ANKRD44: variants seen among roughly 807,000 people sequenced by gnomAD.
The protein encoded by ANKRD44 is ankyrin repeat domain 44, also known as serine/threonine-protein phosphatase 6 regulatory ankyrin repeat subunit B.
In ANKRD44, 35 loss-of-function variants were observed where a neutral mutation model predicts 116.0. The ratio of observed to expected loss-of-function variants is 0.30; its 90% CI spans 0.23 to 0.40. The LOEUF is 0.40. Ranked by LOEUF, ANKRD44 falls within the 10% of genes least tolerant of loss-of-function variation. The pLI is 1.00. For synonymous variants in ANKRD44, 435 were observed against 461.8 expected (o/e 0.94, Z 0.74); for missense variants, 1,014 against 1,242.6 (o/e 0.82, Z 2.77).
intron 21 of ANKRD44, among the ~76,000 whole-genome samples, chr2:196,981,660 G>A (rs2125865382): frequency 6.6e-6 from 1 of 152,166 alleles, no homozygotes; most frequent in Non-Finnish European, 1.5e-5. Context: ...TGTGCCTGTA[G>A]TCCCAGCTAC....
intron 2 of ANKRD44, among the ~76,000 whole-genome samples, chr2:197,176,407 C>G (rs933278215): frequency 2.0e-5 from 3 of 152,156 alleles, no homozygotes; most frequent in Non-Finnish European, 4.4e-5. Flanking sequence ...ATGATGCCCA[C>G]ATTATAGAAC....
chr2:196,999,603 T>C (rs987023770), intron 23 of ANKRD44, among the ~76,000 whole-genome samples: 2 of 150,890 alleles, frequency 1.3e-5, no homozygotes, highest in African/African-American at 4.9e-5. Flanking sequence ...TATTTATTTA[T>C]TTATTTTTGA....
At position 196,987,387 on chromosome 2, in the gene ANKRD44, T is replaced by C. The variant is rs188079223; in HGVS notation, c.*2204A>G. 1 of 984,866 alleles carries C rather than the reference T, an allele frequency of 1.0e-6. No individual in the cohort carries two copies. Among genetic ancestry groups the C allele is most frequent in the African/African-American group, 1.7e-5 (1 of 57,274 alleles). 61.0% of individuals were successfully genotyped at this position (984,866 alleles called of 1,614,324 possible). Reference sequence around the variant, plus strand: ...ACTCAAATGAAAAAATACAAAACATTCCACAGAACATTTTCAGAATATACA... The same window carrying C: ...ACTCAAATGAAAAAATACAAAACATCCCACAGAACATTTTCAGAATATACA... On this transcript the variant is annotated 3_prime_UTR_variant, in exon 28 of 28. Transcript: ENST00000282272.
chr2:197,190,728 C>T (rs907930518), intron 1 of ANKRD44, among the ~76,000 whole-genome samples: 7 of 152,142 alleles, frequency 4.6e-5, no homozygotes, highest in Non-Finnish European at 1.0e-4. Context: ...TATTCTTGCT[C>T]ATAAGTATTA....
At chr2:197,047,973 T>A (rs1202196291) in intron 16 of ANKRD44, among the ~76,000 whole-genome samples, 1 of 151,894 alleles carries the variant, frequency 6.6e-6, no homozygotes, top group East Asian at 1.9e-4. Flanking sequence ...CCTCTGGAAC[T>A]AAAAGTATCT....
intron 1 of ANKRD44, among the ~76,000 whole-genome samples, chr2:197,268,956 G>A (rs145940538): frequency 1.1e-4 from 16 of 152,216 alleles, no homozygotes; most frequent in South Asian, 2.1e-4. Context: ...GATGTATCTC[G>A]TGGAACCTTA....
At chr2:197,199,524 C>T (rs1210400614) in intron 1 of ANKRD44, among the ~76,000 whole-genome samples, 1 of 152,126 alleles carries the variant, frequency 6.6e-6, no homozygotes, top group Non-Finnish European at 1.5e-5. Flanking sequence ...GTGAACAGCC[C>T]GTGTTCTTGT....
intron 1 of ANKRD44, among the ~76,000 whole-genome samples, chr2:197,278,306 GT>G (rs35104018): frequency 0.48 from 72,223 of 151,634 alleles, 19,146 homozygotes; most frequent in African/African-American, 0.72. Flanking sequence ...CTTTTTTTCT[GT>G]TTTTTTTATT....
chr2:197,044,876 A>C (rs1187837512), intron 16 of ANKRD44, among the ~76,000 whole-genome samples: 2 of 152,176 alleles, frequency 1.3e-5, no homozygotes, highest in Non-Finnish European at 2.9e-5. Context: ...AAAAAAAAAA[A>C]TTAGTAGAGC....
chr2:197,042,853 C>T (rs894165853), intron 16 of ANKRD44, among the ~76,000 whole-genome samples: 1 of 152,180 alleles, frequency 6.6e-6, no homozygotes, highest in African/African-American at 2.4e-5. Context: ...AAGAATGAGG[C>T]ATTTTCGGTA....
intron 2 of ANKRD44, among the ~76,000 whole-genome samples, chr2:197,159,257 A>G (rs1200610497): frequency 6.6e-6 from 1 of 152,224 alleles, no homozygotes; most frequent in Non-Finnish European, 1.5e-5. Flanking sequence ...CTCCAGGTGG[A>G]TATTTTAGAA....
At chr2:197,154,114 C>A (rs1367141515) in intron 2 of ANKRD44, among the ~76,000 whole-genome samples, 1 of 151,766 alleles carries the variant, frequency 6.6e-6, no homozygotes, top group African/African-American at 2.4e-5. Context: ...TACACTCCCA[C>A]CAGTTACATT....
chr2:197,036,809 C>A (rs1399858857), intron 16 of ANKRD44, among the ~76,000 whole-genome samples: 1 of 152,282 alleles, frequency 6.6e-6, no homozygotes, highest in East Asian at 1.9e-4. Context: ...CTTGCAAGAG[C>A]CCTAAAAATG....
In ANKRD44 at chr2:197,212,221, G is replaced by A. The variant is rs1344541061; in HGVS notation, c.28-25115C>T. Among the ~76,000 whole-genome samples the A allele has an allele frequency of 6.6e-6, 1 of 152,150 alleles. No individual in the cohort carries two copies. ...AAGAGTTTGCAACCAGGCAGATAGG[G>A]ATCCAGTGGGAGCACACTGGCACCA... On this transcript the variant is annotated intron_variant, in intron 1 of 27. Transcript: ENST00000282272. This position sits in a 1 kb window ranked among gnomAD's most constrained non-coding sequence, Gnocchi z 4.8.
At chr2:197,248,299 A>C (rs2082236349) in intron 1 of ANKRD44, among the ~76,000 whole-genome samples, 1 of 151,872 alleles carries the variant, frequency 6.6e-6, no homozygotes, top group Admixed American at 6.6e-5. Context: ...AAAAAAAAAG[A>C]CTGGCCATCC....
At chr2:197,282,258 A>AT (rs1003572968) in intron 1 of ANKRD44, among the ~76,000 whole-genome samples, 1 of 151,696 alleles carries the variant, frequency 6.6e-6, no homozygotes, top group African/African-American at 2.4e-5. Context: ...GTCTCAAAAA[A>AT]ATATATATAT....
intron 9 of ANKRD44, among the ~76,000 whole-genome samples, chr2:197,107,950 ATG>A (rs1271190998): frequency 1.3e-5 from 2 of 152,256 alleles, no homozygotes; most frequent in African/African-American, 4.8e-5. Flanking sequence ...CAGTTCTCAC[ATG>A]TGTTATGAAT....
chr2:197,083,029 G>A (rs2077832913), intron 14 of ANKRD44, among the ~76,000 whole-genome samples: 1 of 152,202 alleles, frequency 6.6e-6, no homozygotes, highest in South Asian at 2.1e-4. Context: ...ATTAGCAAAT[G>A]TAAGTTTTAT....
intron 16 of ANKRD44, among the ~76,000 whole-genome samples, chr2:197,034,083 A>AGC (rs2076762768): frequency 6.6e-6 from 1 of 151,732 alleles, no homozygotes; most frequent in Non-Finnish European, 1.5e-5. Flanking sequence ...AGAGAGAGAG[A>AGC]GAGCTCATAC....
Sources: gnomAD v4.1 joint callset for allele counts (sites outside exome capture counted in the v4.1 genomes callset) on GRCh38, gnomAD v4.1.1 for gene constraint, Gnocchi (gnomAD v3.1) non-coding constraint, MANE v1.5 for transcripts, NCBI Gene and HGNC (gene_info 2026-07-23, HGNC 2026-07-21) for gene names.